MEOX2: variants seen among roughly 807,000 people sequenced by gnomAD.
MEOX2 encodes mesenchyme homeobox 2.
Under a neutral mutation model 27.0 loss-of-function variants are expected in MEOX2, and 11 were observed. That is an observed-to-expected ratio of 0.41 (90% CI 0.26 to 0.68). The LOEUF (loss-of-function observed/expected upper bound fraction) is 0.68, where lower values mean the gene tolerates loss of function less well. MEOX2 is among the 30% of genes least tolerant of loss of function. The pLI is 0.33. For synonymous variants in MEOX2, 189 were observed against 155.4 expected (o/e 1.22, Z -1.61); for missense variants, 436 against 385.4 (o/e 1.13, Z -1.10).
Position 15,612,287 on chromosome 7 carries a change from A to G in MEOX2, c.*100T>C. ...AAATGCCTGGATTTAATAATATTAA[A>G]CATCACTGCCATAGTCATCTCTCTG... On this transcript the variant is annotated 3_prime_UTR_variant, in exon 3 of 3. Transcript: ENST00000262041. 1.1e-6 allele frequency: 1 copy of G among 929,840 alleles called. No individual in the cohort carries two copies. Among genetic ancestry groups the G allele is most frequent in the Non-Finnish European group, 1.7e-6 (1 of 585,090 alleles). The allele number at this position is 929,840 out of a possible 1,614,324, so 57.6% of individuals were successfully genotyped here.
At chr7:15,672,754 T>C (rs1782123254) in intron 1 of MEOX2, among the ~76,000 whole-genome samples, 1 of 151,934 alleles carries the variant, frequency 6.6e-6, no homozygotes. Context: ...TAGCCGGGTA[T>C]GGTGGCACGT....
intron 1 of MEOX2, among the ~76,000 whole-genome samples, chr7:15,628,248 C>T (rs1386757669): frequency 6.6e-6 from 1 of 151,920 alleles, no homozygotes; most frequent in Non-Finnish European, 1.5e-5. Context: ...GGATGTTTAA[C>T]TGAACTAAAG....
chr7:15,684,135 G>T (rs1265201036), intron 1 of MEOX2, among the ~76,000 whole-genome samples: 1 of 152,072 alleles, frequency 6.6e-6, no homozygotes, highest in Non-Finnish European at 1.5e-5. Flanking sequence ...AAACTTAAGG[G>T]CAATGGCTCA....
intron 2 of MEOX2, among the ~76,000 whole-genome samples, chr7:15,614,451 C>T (rs1781089656): frequency 1.3e-5 from 2 of 151,780 alleles, no homozygotes; most frequent in South Asian, 2.1e-4. Context: ...AACTGAGGTA[C>T]TTAATCAATG....
chr7:15,613,565 C>G (rs1245423654), intron 2 of MEOX2, among the ~76,000 whole-genome samples: 1 of 151,998 alleles, frequency 6.6e-6, no homozygotes, highest in Non-Finnish European at 1.5e-5. Context: ...TCTCTGTCTA[C>G]CCCACCTAAA....
At chr7:15,633,990 A>C (rs180955391) in intron 1 of MEOX2, among the ~76,000 whole-genome samples, 2 of 152,076 alleles carry the variant, frequency 1.3e-5, no homozygotes, top group East Asian at 3.9e-4. Context: ...ATTGCTTTCT[A>C]TTAACTTTTA....
rs535158878 is a variant in MEOX2 at position 15,612,939 on chromosome 7, A to C, written c.691-328T>G. On this transcript the variant is annotated intron_variant, in intron 2 of 2. Transcript: ENST00000262041. ...AAAGAGCTTCTGTGAATTGGAGCTAACATAATATTTGTGTTGGTCAAAGCC... is the reference window on the plus strand; with the variant it reads ...AAAGAGCTTCTGTGAATTGGAGCTACCATAATATTTGTGTTGGTCAAAGCC... Among the ~76,000 whole-genome samples, 8 of 152,316 alleles carry C rather than the reference A, an allele frequency of 5.3e-5. No individual in the cohort carries two copies. The South Asian group carries it at 1.7e-3, about 32-fold the overall frequency.
intron 1 of MEOX2, among the ~76,000 whole-genome samples, chr7:15,666,254 C>A (rs1427765340): frequency 6.6e-6 from 1 of 152,128 alleles, no homozygotes; most frequent in Non-Finnish European, 1.5e-5. Flanking sequence ...CTTCCATAGG[C>A]CTAATCCTCC....
At chr7:15,682,102 AT>A (rs1198885940) in intron 1 of MEOX2, 1 of 151,814 alleles carries the variant, frequency 6.6e-6, no homozygotes, top group Non-Finnish European at 1.5e-5. Context: ...CACACCTAAA[AT>A]TAGTCTACCA....
chr7:15,677,820 T>C (rs1240690700), intron 1 of MEOX2, among the ~76,000 whole-genome samples: 3 of 152,232 alleles, frequency 2.0e-5, no homozygotes. Context: ...TCTATTTCCT[T>C]GTCTAATATG....
At chr7:15,681,517 C>T (rs932521270) in intron 1 of MEOX2, 13 of 151,648 alleles carry the variant, frequency 8.6e-5, no homozygotes, top group African/African-American at 3.1e-4. Flanking sequence ...TGGAATTCAC[C>T]TCCCAAATTT....
intron 1 of MEOX2, among the ~76,000 whole-genome samples, chr7:15,664,506 T>C (rs1781967186): frequency 6.6e-6 from 1 of 152,146 alleles, no homozygotes; most frequent in Admixed American, 6.5e-5. Flanking sequence ...CTCTCAGCAA[T>C]AGATGCTTGA....
At chr7:15,663,955 A>G (rs1184767977) in intron 1 of MEOX2, among the ~76,000 whole-genome samples, 2 of 152,240 alleles carry the variant, frequency 1.3e-5, no homozygotes, top group African/African-American at 4.8e-5. Flanking sequence ...AGACAGATAG[A>G]TGATAGATAA....
At chr7:15,668,373 A>T (rs1782042663) in intron 1 of MEOX2, 2 of 152,268 alleles carry the variant, frequency 1.3e-5, no homozygotes, top group African/African-American at 2.4e-5. Flanking sequence ...GTAAGAATAC[A>T]GTATATAATA....
intron 1 of MEOX2, among the ~76,000 whole-genome samples, chr7:15,649,805 G>A (rs928976660): frequency 2.0e-5 from 3 of 152,044 alleles, no homozygotes; most frequent in African/African-American, 7.2e-5. Flanking sequence ...TGGTATCATG[G>A]GGCTGAGTAG....
rs770334664 is a variant in MEOX2 at position 15,686,364 on chromosome 7, G to T, written c.39C>A (p.His13Gln). ...ACGGGTGCAAGCCTTGCGCCGTGGC[G>T]TGAGGGCTGCGCAGGCAGCCAAAGA... ...HPLFGCLRSP[H>Q]ATAQGLHPFS... The change falls in exon 1 of 3, where the codon CAC becomes CAA. Residue 13 changes from histidine (H) to glutamine (Q), a missense_variant. Physicochemically the swap from His to Gln is conservative, Grantham distance 24 (BLOSUM62 0). Transcript: ENST00000262041. 2 of 1,589,944 alleles carry T rather than the reference G, an allele frequency of 1.3e-6. No individual in the cohort carries two copies. The highest frequency in any genetic ancestry group is 1.7e-6 in the Non-Finnish European group (2 of 1,167,666).
rs2237493 is a variant in MEOX2, at chr7:15,612,443, T to G, written c.859A>C (p.Ile287Leu). 46,420 of 1,614,104 alleles carry G rather than the reference T, an allele frequency of 0.029. 5,670 individuals are homozygous for G. In the East Asian group the frequency reaches 0.43, roughly 15 times the overall value. ...CTGTCGTGACTGTCTTCATTTGCTA[T>G]AGAGTCCCCTGTTTGCTGGAGGGTG... ...AATLQQTGDS[I>L]ANEDSHDSDH... Residue 287 changes from isoleucine to leucine, a missense_variant, in exon 3 of 3, where the codon ATA (isoleucine) becomes CTA (leucine). Coordinates refer to ENST00000262041, the MANE Select transcript of MEOX2 (RefSeq NM_005924.5).
chr7:15,631,249 G>T (rs1347989476), intron 1 of MEOX2, among the ~76,000 whole-genome samples: 3 of 150,614 alleles, frequency 2.0e-5, no homozygotes, highest in African/African-American at 7.3e-5. Context: ...AAAAATCATT[G>T]TACCTGCTGA....
Position 15,637,736 on chromosome 7 carries a change from A to G in MEOX2, c.518-10818T>C, listed in dbSNP as rs553162385. 4.6e-5 allele frequency among the ~76,000 whole-genome samples: 7 copies of G among 151,572 alleles called. No individual in the cohort carries two copies. The East Asian group carries it at 1.4e-3, about 30-fold the overall frequency. On this transcript the variant is annotated intron_variant, in intron 1 of 2. Coordinates refer to ENST00000262041, the MANE Select transcript of MEOX2 (RefSeq NM_005924.5). ...TAGAAGGAAAGAGTGGCTGGGGAAC[A>G]TATCGGGGCTTTGAAGCCAGCAGAC...
Sources: gnomAD v4.1 joint callset for allele counts (sites outside exome capture counted in the v4.1 genomes callset) on GRCh38, gnomAD v4.1.1 for gene constraint, MANE v1.5 for transcripts, NCBI Gene and HGNC (gene_info 2026-07-23, HGNC 2026-07-21) for gene names.